TBC1D19: variants seen among roughly 807,000 people sequenced by gnomAD.
TBC1D19 encodes TBC1 domain family, member 19.
In TBC1D19, 60 loss-of-function variants were observed where a neutral mutation model predicts 89.0. The observed-to-expected ratio is 0.67, with a 90% CI of 0.55 to 0.84. The LOEUF is 0.84. Ranked by LOEUF, TBC1D19 falls within the 40% of genes least tolerant of loss-of-function variation. The pLI is 0.00. For missense variants in TBC1D19, 500 were observed against 610.8 expected, an observed-to-expected ratio of 0.82 and a Z score of 1.91; for synonymous variants, 189 against 199.7, an observed-to-expected ratio of 0.95 and a Z score of 0.45.
chr4:26,821,402 A>C, the TBC1D19 span, among the ~76,000 whole-genome samples: 1 of 152,218 alleles, frequency 6.6e-6, no homozygotes. Flanking sequence ...AATGTAATGA[A>C]ATTTTTCTAA....
At chr4:26,722,663 T>A (rs942125758) in intron 15 of TBC1D19, among the ~76,000 whole-genome samples, 2 of 152,188 alleles carry the variant, frequency 1.3e-5, no homozygotes, top group Non-Finnish European at 2.9e-5. Flanking sequence ...ATCTTTATAA[T>A]GAGCTCAAGA....
intron 1 of TBC1D19, among the ~76,000 whole-genome samples, chr4:26,608,829 G>T (rs1054456723): frequency 6.6e-6 from 1 of 151,580 alleles, no homozygotes; most frequent in Non-Finnish European, 1.5e-5. Flanking sequence ...TTTTGGGGGG[G>T]AGGAAATTGG....
At chr4:26,699,675 A>C (rs1715141175) in intron 13 of TBC1D19, among the ~76,000 whole-genome samples, 1 of 152,190 alleles carries the variant, frequency 6.6e-6, no homozygotes, top group Non-Finnish European at 1.5e-5. Flanking sequence ...ATGGAATACT[A>C]TGCAGCCATA....
chr4:26,746,762 T>G (rs1211499376), intron 18 of TBC1D19, among the ~76,000 whole-genome samples: 1 of 151,934 alleles, frequency 6.6e-6, no homozygotes, highest in East Asian at 1.9e-4. Flanking sequence ...CAGCAAGAGA[T>G]TTACAATAAC....
the TBC1D19 span, among the ~76,000 whole-genome samples, chr4:26,778,887 A>G: frequency 2.0e-5 from 3 of 152,118 alleles, no homozygotes; most frequent in Non-Finnish European, 4.4e-5. Context: ...ATTTTATGGC[A>G]TACTGATATC....
At chr4:26,658,786 G>A (rs368510326) in intron 7 of TBC1D19, among the ~76,000 whole-genome samples, 1 of 152,122 alleles carries the variant, frequency 6.6e-6, no homozygotes, top group Admixed American at 6.5e-5. Flanking sequence ...AGTTCTCCTT[G>A]AAGAGGTTCT....
At chr4:26,791,940 CT>C in the TBC1D19 span, among the ~76,000 whole-genome samples, 1 of 152,172 alleles carries the variant, frequency 6.6e-6, no homozygotes, top group African/African-American at 2.4e-5. Context: ...ATATTTAAAG[CT>C]GTGAGACTGG....
chr4:26,593,305 G>A (rs1345337306), intron 1 of TBC1D19, among the ~76,000 whole-genome samples: 1 of 152,200 alleles, frequency 6.6e-6, no homozygotes, highest in African/African-American at 2.4e-5. Context: ...GCTGAAACTG[G>A]ATCCCTTCCT....
chr4:26,643,813 A>G (rs886168137), intron 7 of TBC1D19, among the ~76,000 whole-genome samples: 4 of 152,226 alleles, frequency 2.6e-5, no homozygotes, highest in Non-Finnish European at 4.4e-5. Context: ...GCACAAATAA[A>G]CTAGAAAATC....
At chr4:26,797,262 A>G in the TBC1D19 span, among the ~76,000 whole-genome samples, 3 of 152,136 alleles carry the variant, frequency 2.0e-5, no homozygotes, top group Non-Finnish European at 4.4e-5. Context: ...AACCAAATCA[A>G]TAACTCAATC....
the TBC1D19 span, among the ~76,000 whole-genome samples, chr4:26,761,432 T>A: frequency 1.8e-3 from 280 of 152,320 alleles, no homozygotes; most frequent in African/African-American, 6.4e-3. Flanking sequence ...TTTGTTAAAA[T>A]TATCCCTACT....
chr4:26,725,398 T>C (rs962974021), intron 15 of TBC1D19, among the ~76,000 whole-genome samples: 2 of 152,078 alleles, frequency 1.3e-5, no homozygotes, highest in African/African-American at 4.8e-5. Flanking sequence ...TCCTGACTAA[T>C]GCTTTTTCTT....
intron 1 of TBC1D19, among the ~76,000 whole-genome samples, chr4:26,597,352 A>G (rs1740289571): frequency 6.6e-6 from 1 of 152,170 alleles, no homozygotes. Flanking sequence ...CTTGCCTTAA[A>G]GTCCATTTTG....
chr4:26,817,097 A>G, the TBC1D19 span, among the ~76,000 whole-genome samples: 13 of 152,292 alleles, frequency 8.5e-5, no homozygotes, highest in Non-Finnish European at 1.6e-4. Context: ...TCTTTACTCT[A>G]AAGCTTGAGA....
At chr4:26,758,327 C>G (rs963565157), downstream of TBC1D19, among the ~76,000 whole-genome samples, 11 of 152,184 alleles carry the variant, frequency 7.2e-5, no homozygotes, top group African/African-American at 2.4e-4. Context: ...CCTTGACCTA[C>G]TCAGAAATTG....
At chr4:26,631,403 A>G (rs1742800583) in intron 4 of TBC1D19, among the ~76,000 whole-genome samples, 1 of 152,106 alleles carries the variant, frequency 6.6e-6, no homozygotes, top group Admixed American at 6.6e-5. Flanking sequence ...TGTGTTGCTT[A>G]GTGACAGGAA....
At chr4:26,849,187 TACACACACACACAAACACACACAC>T in the TBC1D19 span, among the ~76,000 whole-genome samples, 1 of 104,532 alleles carries the variant, frequency 9.6e-6, no homozygotes, top group Non-Finnish European at 2.0e-5. Flanking sequence ...AAATAAATGA[TACACACACACACAAACACACACAC>T]ACACACACAC....
chr4:26,742,036 G>T (rs1337319671), intron 17 of TBC1D19, among the ~76,000 whole-genome samples: 1 of 152,170 alleles, frequency 6.6e-6, no homozygotes, highest in African/African-American at 2.4e-5. Context: ...GAGAAAAGCA[G>T]GCAGTATTTT....
chr4:26,584,778 C>T (rs1739317130), intron 1 of TBC1D19, among the ~76,000 whole-genome samples: 1 of 152,170 alleles, frequency 6.6e-6, no homozygotes, highest in African/African-American at 2.4e-5. Context: ...AATTATTCCT[C>T]GTCTATCCGT....
Sources: allele counts gnomAD v4.1 joint callset (sites outside exome capture counted in the v4.1 genomes callset), GRCh38; gene constraint gnomAD v4.1.1; transcripts MANE v1.5; gene names NCBI Gene and HGNC (gene_info 2026-07-23, HGNC 2026-07-21).